SAMTOR: variants seen among roughly 807,000 people sequenced by gnomAD.
SAMTOR encodes the protein S-adenosylmethionine sensor upstream of mTORC1, also known as UPF0532 protein C7orf60.
the SAMTOR span, among the ~76,000 whole-genome samples, chr7:112,829,360 AT>A: frequency 6.6e-6 from 1 of 152,140 alleles, no homozygotes; most frequent in East Asian, 1.9e-4. Flanking sequence ...TACAGTTTTG[AT>A]TTTTTTAAAT....
At chr7:112,874,490 C>T in the SAMTOR span, among the ~76,000 whole-genome samples, 21 of 151,978 alleles carry the variant, frequency 1.4e-4, no homozygotes, top group African/African-American at 3.4e-4. Context: ...GGACTCCAAA[C>T]GTAGAGGAGG....
chr7:112,848,417 G>C, the SAMTOR span, among the ~76,000 whole-genome samples: 1 of 152,132 alleles, frequency 6.6e-6, no homozygotes, highest in Non-Finnish European at 1.5e-5. Context: ...GAGATATAAA[G>C]TTGAGTAAGA....
At chr7:112,898,127 C>G in the SAMTOR span, among the ~76,000 whole-genome samples, 1 of 152,212 alleles carries the variant, frequency 6.6e-6, no homozygotes, top group Non-Finnish European at 1.5e-5. Flanking sequence ...CTTGAACAGA[C>G]AGAAAGAAGT....
chr7:112,924,048 TGGCGGGA>T, the SAMTOR span, among the ~76,000 whole-genome samples: 1 of 38,312 alleles, frequency 2.6e-5, no homozygotes, highest in African/African-American at 1.0e-4. Flanking sequence ...TGTTGTGGGG[TGGCGGGA>T]GGGGGGAGGG....
chr7:112,925,709 G>A, the SAMTOR span, among the ~76,000 whole-genome samples: 1 of 151,578 alleles, frequency 6.6e-6, no homozygotes, highest in Non-Finnish European at 1.5e-5. Context: ...CAGGAGAATC[G>A]CTTGAACCTG....
the SAMTOR span, among the ~76,000 whole-genome samples, chr7:112,902,429 C>CAAA: frequency 3.4e-5 from 2 of 58,616 alleles, no homozygotes; most frequent in Admixed American, 2.8e-4. Flanking sequence ...AAAAAAAAAA[C>CAAA]AAAAAAAAAC....
the SAMTOR span, among the ~76,000 whole-genome samples, chr7:112,840,914 G>A: frequency 6.7e-6 from 1 of 150,128 alleles, no homozygotes; most frequent in Non-Finnish European, 1.5e-5. Flanking sequence ...AATAAACTAG[G>A]TATTGGTGGA....
At chr7:112,918,709 C>T in the SAMTOR span, among the ~76,000 whole-genome samples, 10 of 152,202 alleles carry the variant, frequency 6.6e-5, no homozygotes, top group African/African-American at 9.6e-5. Flanking sequence ...ACCCATCTCA[C>T]GTGCAGAGAC....
At chr7:112,929,498 A>T in the SAMTOR span, among the ~76,000 whole-genome samples, 2 of 152,038 alleles carry the variant, frequency 1.3e-5, no homozygotes, top group African/African-American at 4.8e-5. Flanking sequence ...TGGGTATGTA[A>T]ATTAGTACAG....
chr7:112,892,611 A>T, the SAMTOR span, among the ~76,000 whole-genome samples: 2 of 152,038 alleles, frequency 1.3e-5, no homozygotes, highest in African/African-American at 2.4e-5. Flanking sequence ...TCTATAAAAA[A>T]TTTTAAAAAA....
At chr7:112,872,574 C>T in the SAMTOR span, among the ~76,000 whole-genome samples, 4 of 151,998 alleles carry the variant, frequency 2.6e-5, no homozygotes, top group East Asian at 2.0e-4. Context: ...AAAATGTCCA[C>T]TCTCATCACT....
At chr7:112,866,642 G>C in the SAMTOR span, among the ~76,000 whole-genome samples, 2 of 152,128 alleles carry the variant, frequency 1.3e-5, no homozygotes, top group African/African-American at 4.8e-5. Context: ...CCAAGAAGAG[G>C]GCTCTTCTAC....
At chr7:112,855,388 G>A in the SAMTOR span, among the ~76,000 whole-genome samples, 1 of 152,126 alleles carries the variant, frequency 6.6e-6, no homozygotes, top group Non-Finnish European at 1.5e-5. Context: ...GTGCAGGCAG[G>A]CATGGCTGGT....
chr7:112,897,431 T>G, the SAMTOR span, among the ~76,000 whole-genome samples: 1 of 152,150 alleles, frequency 6.6e-6, no homozygotes, highest in Non-Finnish European at 1.5e-5. Context: ...CAAAAGTTCT[T>G]GAGCTACAAA....
the SAMTOR span, among the ~76,000 whole-genome samples, chr7:112,907,819 A>G: frequency 1.0e-4 from 15 of 150,380 alleles, no homozygotes; most frequent in African/African-American, 3.4e-4. Flanking sequence ...GTGAAGTTAT[A>G]GAGAAATGGG....
chr7:112,884,596 C>T, the SAMTOR span, among the ~76,000 whole-genome samples: 1 of 152,228 alleles, frequency 6.6e-6, no homozygotes, highest in Non-Finnish European at 1.5e-5. Context: ...TCTCCTTGGA[C>T]TCCATGTCTC....
At chr7:112,901,240 A>T in the SAMTOR span, among the ~76,000 whole-genome samples, 5 of 152,184 alleles carry the variant, frequency 3.3e-5, no homozygotes. Context: ...CTTCGTCTGT[A>T]TTTACAGCTG....
At chr7:112,891,234 G>A in the SAMTOR span, among the ~76,000 whole-genome samples, 1 of 152,110 alleles carries the variant, frequency 6.6e-6, no homozygotes, top group Non-Finnish European at 1.5e-5. Flanking sequence ...TGAGTTAAAG[G>A]ATGTTTAGTA....
At chr7:112,821,693 G>A in the SAMTOR span, 2 of 1,495,934 alleles carry the variant, frequency 1.3e-6, no homozygotes, top group Admixed American at 4.6e-5. Context: ...TCCAATTGGT[G>A]TAAGCAATTA....
Sources: gnomAD v4.1 joint callset for allele counts (sites outside exome capture counted in the v4.1 genomes callset) on GRCh38, gnomAD v4.1.1 for gene constraint, MANE v1.5 for transcripts, NCBI Gene and HGNC (gene_info 2026-07-23, HGNC 2026-07-21) for gene names.